The following ROBO2 variants were observed in gnomAD, a reference collection of about 807,000 sequenced individuals.
ROBO2 encodes the protein roundabout guidance receptor 2, also known as roundabout homolog 2.
In ROBO2, 53 loss-of-function variants were observed where a neutral mutation model predicts 160.8. That is an observed-to-expected ratio of 0.33 (90% confidence interval 0.26 to 0.41). The LOEUF is 0.41. Ranked by LOEUF, ROBO2 falls within the 10% of genes least tolerant of loss-of-function variation. The pLI is 1.00. For missense variants in ROBO2, 1,577 were observed against 1,722.4 expected (o/e 0.92, Z 1.49); for synonymous variants, 664 against 611.7 (o/e 1.09, Z -1.26).
intron 2 of ROBO2, among the ~76,000 whole-genome samples, chr3:76,262,550 C>T (rs192484529): frequency 1.3e-5 from 2 of 152,264 alleles, no homozygotes; most frequent in Admixed American, 1.3e-4. Flanking sequence ...TGCTCCTTTA[C>T]TCTCCATTTT....
rs536101677 is a variant in ROBO2, at chr3:76,280,746, A to T, written c.109+343144A>T. Among the ~76,000 whole-genome samples the T allele has an allele frequency of 1.2e-4, 18 of 152,032 alleles. No individual in the cohort carries two copies. In the East Asian group the frequency reaches 3.5e-3, roughly 29 times the overall value. ...GATCTAAAAGATCTTCACATCTTTC[A>T]CCTGAAACAGTGGGCTCTTGTATTT... is the stretch of plus-strand genomic sequence containing the variant. On this transcript the variant is annotated intron_variant, in intron 2 of 26. Transcript: ENST00000487694.
At chr3:77,057,449 G>A (rs995798290) in intron 1 of ROBO2, among the ~76,000 whole-genome samples, 10 of 151,598 alleles carry the variant, frequency 6.6e-5, no homozygotes, top group Admixed American at 6.6e-4. Context: ...ACCCTAGAAC[G>A]TAAGGTATAT....
chr3:77,417,148 TTGAC>T (rs1177018655), intron 2 of ROBO2, among the ~76,000 whole-genome samples: 42 of 151,872 alleles, frequency 2.8e-4, no homozygotes, highest in Non-Finnish European at 8.8e-5. Context: ...GTGAGGGACA[TTGAC>T]TGCTAAAGGA....
At chr3:77,317,841 AGGGGGCTGCTGGGGGGCTGCTGG>A (rs1553906233) in intron 2 of ROBO2, among the ~76,000 whole-genome samples, 2 of 9,178 alleles carry the variant, frequency 2.2e-4, no homozygotes, top group Non-Finnish European at 3.5e-4. Context: ...GGGGGCTGCT[AGGGGGCTGCTGGGGGGCTGCTGG>A]GGGGGCTGCT....
chr3:77,186,128 A>G (rs1243987317), intron 2 of ROBO2, among the ~76,000 whole-genome samples: 1 of 151,968 alleles, frequency 6.6e-6, no homozygotes, highest in Non-Finnish European at 1.5e-5. Context: ...TCACCGTGAA[A>G]TAACTTGCTC....
intron 1 of ROBO2, among the ~76,000 whole-genome samples, chr3:77,071,000 A>G (rs1031737618): frequency 6.6e-6 from 1 of 152,134 alleles, no homozygotes; most frequent in African/African-American, 2.4e-5. Context: ...AAAAGTCATA[A>G]GTGGCTTCTT....
intron 1 of ROBO2, among the ~76,000 whole-genome samples, chr3:75,912,350 A>G (rs1946633987): frequency 1.3e-5 from 2 of 152,224 alleles, no homozygotes; most frequent in Non-Finnish European, 2.9e-5. Flanking sequence ...CAATTCATGT[A>G]TGGACTTCAT....
intron 2 of ROBO2, among the ~76,000 whole-genome samples, chr3:77,344,562 C>T (rs756521597): frequency 6.6e-6 from 1 of 152,118 alleles, no homozygotes; most frequent in Non-Finnish European, 1.5e-5. Flanking sequence ...TGGGCTCTTG[C>T]CATACTCCAA....
chr3:77,096,166 T>C (rs2071032500), intron 1 of ROBO2, among the ~76,000 whole-genome samples: 1 of 152,230 alleles, frequency 6.6e-6, no homozygotes, highest in South Asian at 2.1e-4. Context: ...ATATTACTGC[T>C]ATCTGTTGAA....
At chr3:77,488,588 A>G (rs774528164) in intron 4 of ROBO2, among the ~76,000 whole-genome samples, 5 of 152,222 alleles carry the variant, frequency 3.3e-5, no homozygotes, top group Non-Finnish European at 7.4e-5. Flanking sequence ...ATTAATAGAT[A>G]TTGAGTGTGA....
At chr3:76,798,020 A>C (rs1391895891) in intron 2 of ROBO2, among the ~76,000 whole-genome samples, 2 of 151,646 alleles carry the variant, frequency 1.3e-5, no homozygotes, top group Non-Finnish European at 2.9e-5. Context: ...TATTCCAAAA[A>C]GTAGAATAGT....
At chr3:77,404,689 G>A (rs2076118851) in intron 2 of ROBO2, among the ~76,000 whole-genome samples, 1 of 152,090 alleles carries the variant, frequency 6.6e-6, no homozygotes, top group Non-Finnish European at 1.5e-5. Flanking sequence ...AACTTACCTG[G>A]AATCAATTAT....
chr3:77,553,062 T>C (rs1309942672), intron 8 of ROBO2, among the ~76,000 whole-genome samples: 3 of 151,974 alleles, frequency 2.0e-5, no homozygotes, highest in South Asian at 4.1e-4. Context: ...AAATTGAAGG[T>C]TTATGGCAAC....
At chr3:77,313,581 G>A (rs2063723408) in intron 2 of ROBO2, among the ~76,000 whole-genome samples, 1 of 151,856 alleles carries the variant, frequency 6.6e-6, no homozygotes, top group South Asian at 2.1e-4. Flanking sequence ...TTTGTTTTGT[G>A]TTTTTTGGTT....
chr3:77,176,166 C>G (rs1042728479), intron 2 of ROBO2, among the ~76,000 whole-genome samples: 2 of 151,684 alleles, frequency 1.3e-5, no homozygotes, highest in African/African-American at 4.8e-5. Context: ...AAAGGGAATT[C>G]TAAGAAGCAA....
intron 2 of ROBO2, among the ~76,000 whole-genome samples, chr3:76,529,069 A>G (rs1225893514): frequency 6.6e-6 from 1 of 152,190 alleles, no homozygotes; most frequent in Admixed American, 6.6e-5. Context: ...AATGGGTTCA[A>G]GAGAGAATGA....
intron 13 of ROBO2, 45 bp from the exon 15 acceptor site, chr3:77,574,454 A>C (rs773150924): frequency 6.6e-7 from 1 of 1,509,582 alleles, no homozygotes; most frequent in South Asian, 1.1e-5. Flanking sequence ...GTGTTGTCTA[A>C]AATACTTTCC....
chr3:76,875,543 C>A (rs1315163425), intron 2 of ROBO2, among the ~76,000 whole-genome samples: 1 of 152,164 alleles, frequency 6.6e-6, no homozygotes, highest in Non-Finnish European at 1.5e-5. Context: ...GAGATCCTGA[C>A]TGGATCTATT....
chr3:76,823,341 A>C (rs556124574), intron 2 of ROBO2, among the ~76,000 whole-genome samples: 6 of 152,292 alleles, frequency 3.9e-5, no homozygotes, highest in South Asian at 4.1e-4. Context: ...AGCAAACTTT[A>C]AAAATATTTT....
Sources: allele counts gnomAD v4.1 joint callset (sites outside exome capture counted in the v4.1 genomes callset), GRCh38; gene constraint gnomAD v4.1.1; transcripts MANE v1.5; gene names NCBI Gene and HGNC (gene_info 2026-07-23, HGNC 2026-07-21).